Variants in UNC45A observed in about 807,000 individuals in gnomAD.
The protein encoded by UNC45A is unc-45 myosin chaperone A, also known as protein unc-45 homolog A.
A neutral mutation model predicts 103.2 loss-of-function variants in UNC45A; 78 were observed. The observed-to-expected ratio is 0.76, with a 90% CI of 0.63 to 0.91. UNC45A has a LOEUF of 0.91. UNC45A is among the 40% of genes least tolerant of loss of function. The pLI is 0.00. For missense variants in UNC45A, 1,193 were observed against 1,224.8 expected (o/e 0.97, Z 0.39); for synonymous variants, 495 against 504.6 (o/e 0.98, Z 0.25).
intron 12 of UNC45A, 49 bp downstream of exon 12, chr15:90,948,332 G>T: frequency 1.2e-6 from 2 of 1,604,814 alleles, no homozygotes; most frequent in South Asian, 1.1e-5. Flanking sequence ...TCTAGGATTA[G>T]ACCTTACCAG....
intron 9 of UNC45A, among the ~76,000 whole-genome samples, chr15:90,946,228 T>A (rs375966544): frequency 7.0e-6 from 1 of 143,850 alleles, no homozygotes; most frequent in Non-Finnish European, 1.5e-5. Flanking sequence ...CACTCCAGCC[T>A]TGGGGACAGA....
At chr15:90,935,864 A>G in intron 2 of UNC45A, 82 bp from the exon 3 acceptor site, 2 of 1,602,498 alleles carry the variant, frequency 1.2e-6, no homozygotes, top group South Asian at 2.2e-5. Context: ...GTGACCTTGG[A>G]GAGCGAGAGT....
chr15:90,937,864 A>G (rs1004051813), intron 4 of UNC45A, among the ~76,000 whole-genome samples: 7 of 152,128 alleles, frequency 4.6e-5, no homozygotes, highest in Non-Finnish European at 8.8e-5. Context: ...TCTGTCACCC[A>G]TGCTGGAGTA....
chr15:90,947,037 A>T, intron 10 of UNC45A, 123 bp downstream of exon 10: 1 of 1,211,398 alleles, frequency 8.3e-7, no homozygotes, highest in Non-Finnish European at 1.1e-6. Flanking sequence ...AATGCCAAAA[A>T]AATTAGCTAG....
At chr15:90,933,004 G>T (rs1241926419), upstream of UNC45A, 1 of 154,464 alleles carries the variant, frequency 6.5e-6, no homozygotes, top group African/African-American at 2.4e-5. Context: ...AATTCTCCAA[G>T]TGTTCTAAAA....
At position 90,950,462 on chromosome 15, in the gene UNC45A, G is replaced by T. The variant is rs112020296; in HGVS notation, c.2188-38G>T. 0.011 allele frequency: 18,162 copies of T among 1,604,474 alleles called. 1,734 individuals are homozygous for T. The African/African-American group carries it at 0.21, about 18-fold the overall frequency. On this transcript the variant is annotated intron_variant, in intron 16 of 19. Transcript: ENST00000418476. ...AGGGTTGGTGGGGCTTGTGGGGGCT[G>T]CGGCAAGTACCCCTGACAGGTGGGG...
Position 90,953,698 on chromosome 15 carries a change from C to A in UNC45A, c.2817C>A (p.Pro939=). The A allele has an allele frequency of 1.5e-5, 25 of 1,613,904 alleles. No individual in the cohort carries two copies. The highest frequency in any genetic ancestry group is 2.1e-5 in the Non-Finnish European group (25 of 1,179,938). The change falls in exon 20 of 20, where the codon CCC becomes CCA. Residue 939 remains proline, a synonymous_variant. Transcript: ENST00000418476. ...CAGTGGAATATGGGCTTATCCAACC[C>A]AACCAAGATGGAGAGTGAGGGGGTT... ...DKAVEYGLIQ[P]NQDGE
intron 15 of UNC45A, 121 bp from the exon 16 acceptor site, chr15:90,950,033 C>G (rs1035507303): frequency 1.1e-6 from 1 of 916,376 alleles, no homozygotes; most frequent in Admixed American, 2.2e-5. Context: ...AGGGTCTGCA[C>G]AGGGAGTCAA....
intron 15 of UNC45A, 172 bp downstream of exon 15, chr15:90,949,892 C>T (rs1341509492): frequency 9.5e-6 from 7 of 736,112 alleles, no homozygotes; most frequent in East Asian, 2.7e-5. Flanking sequence ...GCTCCTTGGC[C>T]CCTCCACACT....
At chr15:90,945,203 A>C in intron 9 of UNC45A, 140 bp downstream of exon 9, 1 of 1,215,232 alleles carries the variant, frequency 8.2e-7, no homozygotes, top group Non-Finnish European at 1.1e-6. Context: ...ACAAAGGGAA[A>C]GTGGCCCCAA....
intron 1 of UNC45A, 68 bp from the exon 2 acceptor site, chr15:90,935,476 C>G: frequency 5.7e-6 from 9 of 1,575,358 alleles, no homozygotes; most frequent in Non-Finnish European, 7.8e-6. Context: ...CCCTCCTCTC[C>G]TCTCCCCTTA....
rs1419259527 is a variant in UNC45A at position 90,948,953 on chromosome 15, T to C, written c.1878+159T>C. Among the ~76,000 whole-genome samples, 4 of 147,770 alleles carry C rather than the reference T, an allele frequency of 2.7e-5. No individual in the cohort carries two copies. In the East Asian group the frequency reaches 8.2e-4, roughly 30 times the overall value. Reference sequence around the variant, plus strand: ...GTGCAGTGATGCGATCTCGGCTCACTGCAAGCTCCGCCTCCCGGGTTCATG... The same window carrying C: ...GTGCAGTGATGCGATCTCGGCTCACCGCAAGCTCCGCCTCCCGGGTTCATG... On this transcript the variant is annotated intron_variant, in intron 13 of 19. Coordinates refer to ENST00000418476, the MANE Select transcript of UNC45A (RefSeq NM_018671.5).
chr15:90,938,045 C>A (rs2036109337), intron 4 of UNC45A, among the ~76,000 whole-genome samples: 1 of 152,180 alleles, frequency 6.6e-6, no homozygotes, highest in Admixed American at 6.5e-5. Flanking sequence ...GATCTACTCA[C>A]CTCAGCCTCC....
upstream of UNC45A, chr15:90,932,501 A>ATATC: frequency 7.7e-7 from 1 of 1,300,618 alleles, no homozygotes. Flanking sequence ...CGAGCCGCGA[A>ATATC]GTCGGCAGCC....
chr15:90,946,089 C>T (rs2036552091), intron 9 of UNC45A, among the ~76,000 whole-genome samples: 1 of 150,176 alleles, frequency 6.7e-6, no homozygotes, highest in African/African-American at 2.4e-5. Flanking sequence ...CCCATCTCTA[C>T]TAAAAATACA....
chr15:90,951,367 T>A (rs1355924854), intron 17 of UNC45A, among the ~76,000 whole-genome samples: 4 of 152,240 alleles, frequency 2.6e-5, no homozygotes, highest in African/African-American at 9.6e-5. Flanking sequence ...TTAGCCCGTT[T>A]CCTATTCTGC....
rs1196340510 is a variant in UNC45A at position 90,950,391 on chromosome 15, A to G, written c.2188-109A>G. 7 of 1,452,824 alleles carry G rather than the reference A, an allele frequency of 4.8e-6. No homozygotes were observed. The East Asian group carries it at 7.4e-5, about 15-fold the overall frequency. The allele number at this position is 1,452,824 out of a possible 1,614,324, so 90.0% of individuals were successfully genotyped here. On this transcript the variant is annotated intron_variant, in intron 16 of 19. Coordinates refer to ENST00000418476, the MANE Select transcript of UNC45A (RefSeq NM_018671.5). Reference sequence around the variant, plus strand: ...TTTGTCAAGGCCTGGGGCAGGGAGGACAGCCTGAGACAGCAGTACTCTCTT... The same window carrying G: ...TTTGTCAAGGCCTGGGGCAGGGAGGGCAGCCTGAGACAGCAGTACTCTCTT...
In UNC45A at chr15:90,936,432, G is replaced by C; in HGVS notation, c.398G>C (p.Arg133Pro). 6.2e-7 allele frequency: 1 copy of C among 1,614,160 alleles called. No individual in the cohort carries two copies. The highest frequency in any genetic ancestry group is 8.5e-7 in the Non-Finnish European group (1 of 1,180,032). ...AACAAAGTTTTCCAGGAGGCCTTGC[G>C]GAACATCGGGGGCCAGATTCAGGAG... ...PKNKVFQEALRNIGGQIQEKV... is the reference protein window; with the variant it reads ...PKNKVFQEALPNIGGQIQEKV... The change falls in exon 4 of 20, where the codon CGG becomes CCG. Residue 133 changes from arginine (R) to proline (P), a missense_variant. Transcript: ENST00000418476.
At chr15:90,950,697 C>A in intron 17 of UNC45A, 82 bp downstream of exon 17, 2 of 1,387,620 alleles carry the variant, frequency 1.4e-6, no homozygotes, top group South Asian at 1.2e-5. Flanking sequence ...CATTGGGAAA[C>A]ACTCCTTGGT....
Sources: gnomAD v4.1 joint callset for allele counts (sites outside exome capture counted in the v4.1 genomes callset) on GRCh38, gnomAD v4.1.1 for gene constraint, MANE v1.5 for transcripts, NCBI Gene and HGNC (gene_info 2026-07-23, HGNC 2026-07-21) for gene names.